MACROD2: variants seen among roughly 807,000 people sequenced by gnomAD.
MACROD2 encodes ADP-ribose glycohydrolase MACROD2.
MACROD2 carries 36 observed loss-of-function variants against 70.4 expected under a neutral mutation model. The observed-to-expected ratio is 0.51, with a 90% CI of 0.39 to 0.68. The LOEUF is 0.68. Among genes scored for constraint, MACROD2 ranks in the 30% least tolerant of loss-of-function variants. The pLI is 0.00. For missense variants in MACROD2, 496 were observed against 538.4 expected (o/e 0.92, Z 0.78); for synonymous variants, 172 against 178.8 (o/e 0.96, Z 0.30).
chr20:14,307,656 A>G (rs565519701), intron 3 of MACROD2, among the ~76,000 whole-genome samples: 113 of 152,206 alleles, frequency 7.4e-4, no homozygotes, highest in Non-Finnish European at 6.8e-4. Context: ...AGTAAGCCCT[A>G]TGTTGTCAGA....
chr20:14,448,426 C>T (rs990915079), intron 3 of MACROD2, among the ~76,000 whole-genome samples: 1 of 151,958 alleles, frequency 6.6e-6, no homozygotes, highest in Non-Finnish European at 1.5e-5. Flanking sequence ...CCTGTAATCC[C>T]AGCACTTTGG....
chr20:14,912,606 GGAGGTGAATT>G (rs1317098664), intron 5 of MACROD2, among the ~76,000 whole-genome samples: 1 of 152,102 alleles, frequency 6.6e-6, no homozygotes, highest in Non-Finnish European at 1.5e-5. Flanking sequence ...AGTAATCATT[GGAGGTGAATT>G]GCGACTGTTG....
chr20:14,575,224 A>C (rs1327906687), intron 4 of MACROD2, among the ~76,000 whole-genome samples: 1 of 152,082 alleles, frequency 6.6e-6, no homozygotes, highest in Non-Finnish European at 1.5e-5. Flanking sequence ...TATTAGTATA[A>C]ATAACTTATT....
intron 8 of MACROD2, among the ~76,000 whole-genome samples, chr20:15,747,734 A>G (rs1276311345): frequency 6.6e-6 from 1 of 152,024 alleles, no homozygotes; most frequent in African/African-American, 2.4e-5. Context: ...TGATCATAGC[A>G]TGTATGAGCA....
At chr20:14,582,119 T>C (rs1030621935) in intron 4 of MACROD2, among the ~76,000 whole-genome samples, 3 of 152,162 alleles carry the variant, frequency 2.0e-5, no homozygotes, top group Non-Finnish European at 4.4e-5. Context: ...GAACCACTTC[T>C]CTGAATAAAC....
intron 8 of MACROD2, among the ~76,000 whole-genome samples, chr20:15,785,380 T>A (rs909768930): frequency 5.3e-5 from 8 of 152,132 alleles, no homozygotes; most frequent in African/African-American, 1.9e-4. Context: ...CCTGCCGTCT[T>A]GATTCTCTTG....
At chr20:15,485,249 T>C (rs1392916430) in intron 7 of MACROD2, among the ~76,000 whole-genome samples, 1 of 152,070 alleles carries the variant, frequency 6.6e-6, no homozygotes, top group Non-Finnish European at 1.5e-5. Context: ...CACATGTTCA[T>C]AAGTGAAATA....
At chr20:14,660,581 A>C (rs979169978) in intron 4 of MACROD2, among the ~76,000 whole-genome samples, 1 of 152,182 alleles carries the variant, frequency 6.6e-6, no homozygotes, top group Non-Finnish European at 1.5e-5. Context: ...GTACATAAGT[A>C]ATTGTTACAT....
chr20:15,151,480 A>G (rs1438713651), intron 5 of MACROD2, among the ~76,000 whole-genome samples: 3 of 152,076 alleles, frequency 2.0e-5, no homozygotes, highest in African/African-American at 7.3e-5. Flanking sequence ...GGTGAGGTTA[A>G]TTAAGTCTGG....
chr20:14,720,058 T>C (rs1314816190), intron 5 of MACROD2, among the ~76,000 whole-genome samples: 3 of 152,180 alleles, frequency 2.0e-5, no homozygotes, highest in Non-Finnish European at 4.4e-5. Flanking sequence ...AGCAATTGCA[T>C]ATAATATAAA....
chr20:15,888,428 C>T (rs1239204001), intron 10 of MACROD2, among the ~76,000 whole-genome samples: 1 of 152,100 alleles, frequency 6.6e-6, no homozygotes, highest in African/African-American at 2.4e-5. Context: ...CCCTTTCAAG[C>T]ACCCGGTATA....
rs139880570 is a variant in MACROD2 at position 14,682,425 on chromosome 20, A to AAT, written c.302-2408_302-2407dup. Among the ~76,000 whole-genome samples, 48 of 151,248 alleles carry AAT rather than the reference A, an allele frequency of 3.2e-4. No individual in the cohort carries two copies. The East Asian group carries it at 7.7e-3, about 24-fold the overall frequency. The stretch of plus-strand genomic sequence containing the variant: ...TACATATATATATGTGTGTGTGCTG[A>AAT]ATATATATATACACATTACATATAT... On this transcript the variant is annotated intron_variant, in intron 4 of 17. Transcript: ENST00000684519.
intron 4 of MACROD2, among the ~76,000 whole-genome samples, chr20:14,524,870 T>C (rs2085212188): frequency 6.6e-6 from 1 of 152,144 alleles, no homozygotes; most frequent in Non-Finnish European, 1.5e-5. Flanking sequence ...CTCACTTGCC[T>C]CATACTGTCT....
chr20:15,046,428 A>G (rs901147762), intron 5 of MACROD2, among the ~76,000 whole-genome samples: 2 of 152,160 alleles, frequency 1.3e-5, no homozygotes, highest in Admixed American at 6.5e-5. Context: ...ATTAAACCCA[A>G]TGAGAACATC....
intron 3 of MACROD2, among the ~76,000 whole-genome samples, chr20:14,285,136 A>G (rs1321898130): frequency 6.6e-6 from 1 of 152,122 alleles, no homozygotes; most frequent in Non-Finnish European, 1.5e-5. Context: ...AGTATCTCTT[A>G]TCTGGAATGC....
intron 8 of MACROD2, among the ~76,000 whole-genome samples, chr20:15,662,613 G>A (rs756986092): frequency 6.6e-6 from 1 of 151,896 alleles, no homozygotes; most frequent in Non-Finnish European, 1.5e-5. Context: ...AGCATGCTAA[G>A]GACAAGATAT....
chr20:15,167,552 T>C (rs2076394049), intron 5 of MACROD2, among the ~76,000 whole-genome samples: 1 of 152,134 alleles, frequency 6.6e-6, no homozygotes, highest in Admixed American at 6.5e-5. Context: ...AAAATATGCT[T>C]TTTACAATTG....
At chr20:14,001,793 G>A (rs1485436829) in intron 1 of MACROD2, among the ~76,000 whole-genome samples, 1 of 152,082 alleles carries the variant, frequency 6.6e-6, no homozygotes, top group Non-Finnish European at 1.5e-5. Flanking sequence ...ACAGTAGCAC[G>A]AGAGGGTTGG....
chr20:15,562,628 G>A (rs1281779584), intron 8 of MACROD2, among the ~76,000 whole-genome samples: 4 of 152,186 alleles, frequency 2.6e-5, no homozygotes, highest in African/African-American at 9.7e-5. Context: ...TTAAGCAGCA[G>A]CAGCAGCAAA....
Sources: gnomAD v4.1 joint callset for allele counts (sites outside exome capture counted in the v4.1 genomes callset) on GRCh38, gnomAD v4.1.1 for gene constraint, MANE v1.5 for transcripts, NCBI Gene and HGNC (gene_info 2026-07-23, HGNC 2026-07-21) for gene names.